Variants in IL3 observed in about 807,000 individuals in gnomAD.
IL3 encodes interleukin 3.
A neutral mutation model predicts 15.4 loss-of-function variants in IL3; 15 were observed. The ratio of observed to expected loss-of-function variants is 0.97; its 90% confidence interval spans 0.65 to 1.50. IL3 has a LOEUF of 1.50. Among genes scored for constraint, IL3 ranks in the 40% most tolerant of loss-of-function variants. The pLI is 0.00. For missense variants in IL3, 162 were observed against 192.2 expected (o/e 0.84, Z 0.93); for synonymous variants, 74 against 79.3 (o/e 0.93, Z 0.36).
In IL3 at chr5:132,060,713, C is replaced by A; in HGVS notation, c.7C>A (p.Arg3Ser). 6.2e-7 allele frequency: 1 copy of A among 1,613,000 alleles called. No individual in the cohort carries two copies. The highest frequency in any genetic ancestry group is 8.5e-7 in the Non-Finnish European group (1 of 1,180,020). The change falls in exon 1 of 5, where the codon CGC becomes AGC. Residue 3 changes from arginine to serine, a missense_variant. Transcript: ENST00000296870. MS[R>S]LPVLLLLQLL... ...GCCTCCTGCCGATCCAAACATGAGCCGCCTGCCCGTCCTGCTCCTGCTCCA... is the reference window on the plus strand; with the variant it reads ...GCCTCCTGCCGATCCAAACATGAGCAGCCTGCCCGTCCTGCTCCTGCTCCA...
rs369056054 is a variant in IL3, at chr5:132,062,664, T to C, written c.337-5T>C. The C allele has an allele frequency of 6.6e-5, 106 of 1,614,086 alleles. No homozygotes were observed. Among genetic ancestry groups the C allele is most frequent in the Non-Finnish European group, 8.3e-5 (98 of 1,180,018 alleles). ...CCTAATGCCACCTTCTTGGTTTCTT[T>C]ATAGCGACATCCAATCCATATCAAG... On this transcript the variant is annotated splice_polypyrimidine_tract_variant and splice_region_variant and intron_variant, in intron 4 of 4. Transcript: ENST00000296870.
chr5:132,061,878 C>T (rs956811368), intron 2 of IL3, among the ~76,000 whole-genome samples: 2 of 152,004 alleles, frequency 1.3e-5, no homozygotes, highest in African/African-American at 4.8e-5. Flanking sequence ...AAGCAATTCT[C>T]CTGTCTCAGC....
chr5:132,061,912 G>A (rs1020236615), intron 2 of IL3, among the ~76,000 whole-genome samples: 1 of 152,066 alleles, frequency 6.6e-6, no homozygotes, highest in African/African-American at 2.4e-5. Context: ...AGGATTACAG[G>A]CATGCACCAC....
chr5:132,062,979 CTTGTGCGG>C lies in IL3; in HGVS notation c.*194_*201del, dbSNP rs1239232121. ...CTGAAATGTGCAGCTCCCATTTGGC[CTTGTGCGG>C]TTGTGTTCTCATTTTTATCCCATTG... On this transcript the variant is annotated 3_prime_UTR_variant, in exon 5 of 5. Coordinates refer to ENST00000296870, the MANE Select transcript of IL3 (RefSeq NM_000588.4). 4.1e-6 allele frequency: 3 copies of C among 734,146 alleles called. No individual in the cohort carries two copies. The highest frequency in any genetic ancestry group is 4.3e-6 in the Non-Finnish European group (2 of 467,886). 45.5% of individuals were successfully genotyped at this position (734,146 alleles called of 1,614,324 possible).
At chr5:132,061,051 G>A (rs1377916102) in intron 2 of IL3, 43 bp downstream of exon 2, 1 of 1,592,818 alleles carries the variant, frequency 6.3e-7, no homozygotes, top group African/African-American at 1.3e-5. Flanking sequence ...TCCTGCCTGG[G>A]TGACTTCAGC....
rs200111768 is a variant in IL3 at position 132,060,961 on chromosome 5, C to A, written c.163-6C>A. 7.4e-6 allele frequency: 12 copies of A among 1,614,066 alleles called. No individual in the cohort carries two copies. The East Asian group carries it at 2.4e-4, about 33-fold the overall frequency. On this transcript the variant is annotated splice_polypyrimidine_tract_variant and splice_region_variant and intron_variant, in intron 1 of 4. Coordinates refer to ENST00000296870, the MANE Select transcript of IL3 (RefSeq NM_000588.4). ...CATGGGCCTTTCTCTCCCTTCACCC[C>A]CACAGGACTTCAACAACCTCAATGG...
chr5:132,062,062 C>A (rs1756489697), intron 2 of IL3, among the ~76,000 whole-genome samples: 1 of 152,216 alleles, frequency 6.6e-6, no homozygotes, highest in Non-Finnish European at 1.5e-5. Flanking sequence ...GCGCCCAGCC[C>A]ACCTAGGCCC....
Position 132,062,695 on chromosome 5 carries a change from T to C in IL3, c.363T>C (p.Gly121=), listed in dbSNP as rs775362870. Residue 121 remains glycine (G), a synonymous_variant, in exon 5 of 5, where the codon GGT becomes GGC. Transcript: ENST00000296870. ...GACATCCAATCCATATCAAGGACGG[T>C]GACTGGAATGAATTCCGGAGGAAAC... The part of the protein sequence containing the change: ...PTRHPIHIKD[G]DWNEFRRKLT... 1.3e-5 allele frequency: 21 copies of C among 1,614,084 alleles called. No homozygotes were observed. The highest frequency in any genetic ancestry group is 1.1e-4 in the African/African-American group (8 of 74,910).
rs772664503 is a variant in IL3 at position 132,060,714 on chromosome 5, G to A, written c.8G>A (p.Arg3His). The change falls in exon 1 of 5, where the codon CGC becomes CAC. Residue 3 changes from arginine to histidine, a missense_variant. Arg to His is a conservative substitution (Grantham distance 29, BLOSUM62 0). Coordinates refer to ENST00000296870, the MANE Select transcript of IL3 (RefSeq NM_000588.4). MS[R>H]LPVLLLLQLL... Reference sequence around the variant, plus strand: ...CCTCCTGCCGATCCAAACATGAGCCGCCTGCCCGTCCTGCTCCTGCTCCAA... The same window carrying A: ...CCTCCTGCCGATCCAAACATGAGCCACCTGCCCGTCCTGCTCCTGCTCCAA... The A allele has an allele frequency of 3.1e-6, 5 of 1,613,016 alleles. No individual in the cohort carries two copies. Among genetic ancestry groups the A allele is most frequent in the East Asian group, 2.2e-5 (1 of 44,888 alleles).
At chr5:132,061,683 C>T (rs1198744356) in intron 2 of IL3, among the ~76,000 whole-genome samples, 1 of 152,062 alleles carries the variant, frequency 6.6e-6, no homozygotes, top group Non-Finnish European at 1.5e-5. Context: ...CCTTGGAAAA[C>T]CCCCTGTCTT....
intron 1 of IL3, 22 bp downstream of exon 1, chr5:132,060,890 GGC>G: frequency 6.2e-7 from 1 of 1,612,186 alleles, no homozygotes; most frequent in Non-Finnish European, 8.5e-7. Context: ...GGATAAGACT[GGC>G]CTGCAGCAGT....
Position 132,062,693 on chromosome 5 carries a change from G to A in IL3, c.361G>A (p.Gly121Ser), listed in dbSNP as rs577895795. Reference protein sequence around the residue: ...PTRHPIHIKDGDWNEFRRKLT... With the variant: ...PTRHPIHIKDSDWNEFRRKLT... ...GCGACATCCAATCCATATCAAGGAC[G>A]GTGACTGGAATGAATTCCGGAGGAA... Residue 121 changes from glycine to serine, a missense_variant, in exon 5 of 5, where the codon GGT becomes AGT. Coordinates refer to ENST00000296870, the MANE Select transcript of IL3 (RefSeq NM_000588.4). The A allele has an allele frequency of 2.8e-5, 45 of 1,614,074 alleles. No homozygotes were observed. Among genetic ancestry groups the A allele is most frequent in the Admixed American group, 3.3e-5 (2 of 60,004 alleles).
chr5:132,061,700 A>T (rs1046855105), intron 2 of IL3, among the ~76,000 whole-genome samples: 1 of 151,620 alleles, frequency 6.6e-6, no homozygotes, highest in African/African-American at 2.4e-5. Context: ...TCTTTTGTAG[A>T]GCTTCTTTTT....
Position 132,062,854 on chromosome 5 carries a change from C to A in IL3, c.*63C>A. 6.4e-7 allele frequency: 1 copy of A among 1,557,642 alleles called. No homozygotes were observed. The highest frequency in any genetic ancestry group is 8.7e-7 in the Non-Finnish European group (1 of 1,152,418). On this transcript the variant is annotated 3_prime_UTR_variant, in exon 5 of 5. Coordinates refer to ENST00000296870, the MANE Select transcript of IL3 (RefSeq NM_000588.4). ...CAGAGCCTCGGGACATCAAAAACAG[C>A]AGAACTTCTGAAACCTCTGGGTCAT...
At chr5:132,061,837 C>G (rs191756778) in intron 2 of IL3, among the ~76,000 whole-genome samples, 1 of 149,610 alleles carries the variant, frequency 6.7e-6, no homozygotes, top group African/African-American at 2.5e-5. Flanking sequence ...GGCACGATCT[C>G]AGCTCACTGC....
chr5:132,062,729 T>G lies in IL3; in HGVS notation c.397T>G (p.Tyr133Asp). 6.2e-7 allele frequency: 1 copy of G among 1,614,228 alleles called. No homozygotes were observed. The highest frequency in any genetic ancestry group is 8.5e-7 in the Non-Finnish European group (1 of 1,180,040). Reference sequence around the variant, plus strand: ...TGAATTCCGGAGGAAACTGACGTTCTATCTGAAAACCCTTGAGAATGCGCA... The same window carrying G: ...TGAATTCCGGAGGAAACTGACGTTCGATCTGAAAACCCTTGAGAATGCGCA... ...WNEFRRKLTFYLKTLENAQAQ... is the reference protein window; with the variant it reads ...WNEFRRKLTFDLKTLENAQAQ... Residue 133 changes from tyrosine to aspartate, a missense_variant, in exon 5 of 5, where the codon TAT (tyrosine) becomes GAT (aspartate). Coordinates refer to ENST00000296870, the MANE Select transcript of IL3 (RefSeq NM_000588.4).
rs1172777279 is a variant in IL3, at chr5:132,062,544, C to T, written c.313C>T (p.Pro105Ser). 6.2e-7 allele frequency: 1 copy of T among 1,614,030 alleles called. No homozygotes were observed. Among genetic ancestry groups the T allele is most frequent in the African/African-American group, 1.3e-5 (1 of 74,936 alleles). Residue 105 changes from proline (P) to serine (S), a missense_variant, in exon 4 of 5, where the codon CCC becomes TCC. Physicochemically the swap from Pro to Ser is moderately conservative, Grantham distance 74. Coordinates refer to ENST00000296870, the MANE Select transcript of IL3 (RefSeq NM_000588.4). ...TCCACAGAATCTCCTGCCATGTCTG[C>T]CCCTGGCCACGGCCGCACCCACGGT... Reference protein sequence around the residue: ...SILKNLLPCLPLATAAPTRHP... With the variant: ...SILKNLLPCLSLATAAPTRHP...
rs1429603850 is a variant in IL3, at chr5:132,062,917, T to C, written c.*126T>C. 4 of 1,253,770 alleles carry C rather than the reference T, an allele frequency of 3.2e-6. No individual in the cohort carries two copies. The East Asian group carries it at 7.3e-5, about 23-fold the overall frequency. The allele number at this position is 1,253,770 out of a possible 1,614,324, so 77.7% of individuals were successfully genotyped here. On this transcript the variant is annotated 3_prime_UTR_variant, in exon 5 of 5. Coordinates refer to ENST00000296870, the MANE Select transcript of IL3 (RefSeq NM_000588.4). ...CCAGGACCAGAAGCATTTCACCTTT[T>C]CCTGCGGCATCAGATGAATTGTTAA...
In IL3 at chr5:132,062,666, T is replaced by C. The variant is rs1188577839; in HGVS notation, c.337-3T>C. 5.6e-6 allele frequency: 9 copies of C among 1,614,070 alleles called. No individual in the cohort carries two copies. The highest frequency in any genetic ancestry group is 1.7e-5 in the Admixed American group (1 of 60,008). ...TAATGCCACCTTCTTGGTTTCTTTA[T>C]AGCGACATCCAATCCATATCAAGGA... is the stretch of plus-strand genomic sequence containing the variant. On this transcript the variant is annotated splice_polypyrimidine_tract_variant and splice_region_variant and intron_variant, in intron 4 of 4. Transcript: ENST00000296870.
Sources: gnomAD v4.1 joint callset for allele counts (sites outside exome capture counted in the v4.1 genomes callset) on GRCh38, gnomAD v4.1.1 for gene constraint, MANE v1.5 for transcripts, NCBI Gene and HGNC (gene_info 2026-07-23, HGNC 2026-07-21) for gene names.